LRP12: variants seen among roughly 807,000 people sequenced by gnomAD.
The protein encoded by LRP12 is LDL receptor related protein 12.
Under a neutral mutation model 66.0 loss-of-function variants are expected in LRP12, and 14 were observed. The observed-to-expected ratio is 0.21, with a 90% CI of 0.14 to 0.33. LRP12 has a LOEUF of 0.33. Among genes scored for constraint, LRP12 ranks in the 10% least tolerant of loss-of-function variants. The pLI, the probability that LRP12 is intolerant of heterozygous loss-of-function variation, is 1.00. For missense variants in LRP12, 889 were observed against 1,053.4 expected (o/e 0.84, Z 2.16); for synonymous variants, 357 against 359.1 (o/e 0.99, Z 0.07).
intron 1 of LRP12, among the ~76,000 whole-genome samples, chr8:104,536,492 G>A (rs1392837537): frequency 1.3e-5 from 2 of 151,968 alleles, no homozygotes; most frequent in African/African-American, 2.4e-5. Flanking sequence ...CAACCCCAGC[G>A]ACTAGTACAA....
At chr8:104,550,090 G>A (rs905935238) in intron 1 of LRP12, among the ~76,000 whole-genome samples, 1 of 152,100 alleles carries the variant, frequency 6.6e-6, no homozygotes. Context: ...TTGACTCCCA[G>A]TAGTCACTGA....
chr8:104,566,103 G>T (rs1365566473), intron 1 of LRP12: 1 of 277,580 alleles, frequency 3.6e-6, no homozygotes, highest in Admixed American at 5.1e-5. Flanking sequence ...GTGTGCTGAA[G>T]ACCACTGGCC....
intron 1 of LRP12, among the ~76,000 whole-genome samples, chr8:104,551,729 A>G (rs1443328691): frequency 2.0e-5 from 3 of 152,136 alleles, no homozygotes; most frequent in Non-Finnish European, 4.4e-5. Context: ...ATACATATGT[A>G]CCACATTTTA....
intron 1 of LRP12, among the ~76,000 whole-genome samples, chr8:104,543,010 T>A (rs990075637): frequency 6.7e-6 from 1 of 150,092 alleles, no homozygotes. Flanking sequence ...TATATATATA[T>A]ATAAATATAT....
intron 1 of LRP12, among the ~76,000 whole-genome samples, chr8:104,583,979 TTGAAA>T (rs1812293285): frequency 6.6e-6 from 1 of 152,076 alleles, no homozygotes; most frequent in South Asian, 2.1e-4. Context: ...TAATACAGTA[TTGAAA>T]TAATATATTT....
At chr8:104,559,827 C>T (rs982134217) in intron 1 of LRP12, among the ~76,000 whole-genome samples, 1 of 151,778 alleles carries the variant, frequency 6.6e-6, no homozygotes, top group Non-Finnish European at 1.5e-5. Context: ...ATATGTCTAG[C>T]TACACTATAC....
At chr8:104,504,645 T>C (rs1346684679) in intron 3 of LRP12, 2 of 152,220 alleles carry the variant, frequency 1.3e-5, no homozygotes, top group Non-Finnish European at 2.9e-5. Context: ...ACAATCTGAA[T>C]GATGTACAGT....
intron 2 of LRP12, among the ~76,000 whole-genome samples, chr8:104,511,029 ACTTTT>A (rs1810986719): frequency 2.1e-5 from 2 of 93,410 alleles, no homozygotes; most frequent in Non-Finnish European, 4.2e-5. Flanking sequence ...TGGAAAAATG[ACTTTT>A]TTTTTTTTTT....
Position 104,565,230 on chromosome 8 carries a change from C to A in LRP12, c.79+23589G>T, listed in dbSNP as rs544469082. Among the ~76,000 whole-genome samples the A allele has an allele frequency of 1.8e-3, 281 of 152,170 alleles. 1 individual carries two copies. The highest frequency in any genetic ancestry group is 4.4e-3 in the South Asian group (21 of 4,816). Reference sequence around the variant, plus strand: ...ATATCCACACAACTAGACATATACACACAATAAGTATTTTAGAATAATATC... The same window carrying A: ...ATATCCACACAACTAGACATATACAAACAATAAGTATTTTAGAATAATATC... On this transcript the variant is annotated intron_variant, in intron 1 of 6. Coordinates refer to ENST00000276654, the MANE Select transcript of LRP12 (RefSeq NM_013437.5).
intron 1 of LRP12, among the ~76,000 whole-genome samples, chr8:104,569,502 A>C (rs1812048581): frequency 1.3e-5 from 2 of 152,276 alleles, no homozygotes; most frequent in Admixed American, 1.3e-4. Context: ...ATATTTGAAA[A>C]AAGTCAATCA....
chr8:104,577,236 C>A (rs1409554950), intron 1 of LRP12, among the ~76,000 whole-genome samples: 1 of 152,104 alleles, frequency 6.6e-6, no homozygotes, highest in Non-Finnish European at 1.5e-5. Flanking sequence ...ACAGACCTGA[C>A]AGATATCTAC....
At chr8:104,517,128 T>C (rs1177015055) in intron 2 of LRP12, among the ~76,000 whole-genome samples, 3 of 150,962 alleles carry the variant, frequency 2.0e-5, no homozygotes, top group Non-Finnish European at 4.4e-5. Flanking sequence ...AATTATAGTT[T>C]TATAACAATG....
At chr8:104,521,009 A>C (rs1038461235) in intron 2 of LRP12, among the ~76,000 whole-genome samples, 6 of 152,008 alleles carry the variant, frequency 3.9e-5, no homozygotes, top group African/African-American at 1.4e-4. Flanking sequence ...GTCACAATAC[A>C]ACCTGTTCTG....
chr8:104,565,877 C>T (rs976008271), intron 1 of LRP12, among the ~76,000 whole-genome samples: 2 of 139,484 alleles, frequency 1.4e-5, no homozygotes, highest in Non-Finnish European at 3.0e-5. Context: ...AAAAAAAATA[C>T]ACACACACAC....
chr8:104,563,213 T>C (rs910070787), intron 1 of LRP12, among the ~76,000 whole-genome samples: 1 of 152,180 alleles, frequency 6.6e-6, no homozygotes, highest in Non-Finnish European at 1.5e-5. Context: ...CTGATGTATG[T>C]ATATGTATTT....
At position 104,499,574 on chromosome 8, in the gene LRP12, G is replaced by A. The variant is rs74481772; in HGVS notation, c.273-55C>T. The A allele has an allele frequency of 5.8e-5, 70 of 1,207,436 alleles. No individual in the cohort carries two copies. In the Middle Eastern group the frequency reaches 1.0e-3, roughly 17 times the overall value. The allele number at this position is 1,207,436 out of a possible 1,614,324, so 74.8% of individuals were successfully genotyped here. A position where few individuals can be genotyped will look rare whatever the true frequency, so the allele number is the denominator to read the frequency against. On this transcript the variant is annotated intron_variant, in intron 3 of 6. Transcript: ENST00000276654. ...AAAGTCAATTTTGGAAAAAAAAATC[G>A]TATTACAAAGTAACTGAGGATATTA...
chr8:104,497,811 G>C lies in LRP12; in HGVS notation c.741C>G (p.Asp247Glu). The change falls in exon 5 of 7, where the codon GAC becomes GAG. Residue 247 changes from aspartate to glutamate, a missense_variant. This residue lies in a region of LRP12 where 800 missense variants were observed against 964.5 expected (regional missense o/e 0.83). Coordinates refer to ENST00000276654, the MANE Select transcript of LRP12 (RefSeq NM_013437.5). This position sits in a 1 kb window ranked among gnomAD's most constrained non-coding sequence, Gnocchi z 4.3. ...LKCDGNIDCLDLGDEIDCDVP... is the reference protein window; with the variant it reads ...LKCDGNIDCLELGDEIDCDVP... ...CATCACAGTCTATCTCATCTCCTAGGTCAAGGCAGTCAATGTTCCCATCAC... is the reference window on the plus strand; with the variant it reads ...CATCACAGTCTATCTCATCTCCTAGCTCAAGGCAGTCAATGTTCCCATCAC... The C allele has an allele frequency of 6.2e-7, 1 of 1,614,148 alleles. No individual in the cohort carries two copies. The highest frequency in any genetic ancestry group is 8.5e-7 in the Non-Finnish European group (1 of 1,180,042).
At chr8:104,537,274 A>G (rs943692168) in intron 1 of LRP12, among the ~76,000 whole-genome samples, 5 of 152,058 alleles carry the variant, frequency 3.3e-5, no homozygotes, top group African/African-American at 1.2e-4. Flanking sequence ...GGCTCAGGCA[A>G]CAGAAACATT....
intron 6 of LRP12, among the ~76,000 whole-genome samples, chr8:104,493,247 G>A (rs531002081): frequency 3.3e-5 from 5 of 152,336 alleles, no homozygotes; most frequent in African/African-American, 1.2e-4. Context: ...CTTTGAGTGA[G>A]ATGGTGAATT....
Sources: gnomAD v4.1 joint callset for allele counts (sites outside exome capture counted in the v4.1 genomes callset) on GRCh38, gnomAD v4.1.1 for gene constraint, gnomAD v4.1.1 regional missense constraint, Gnocchi (gnomAD v3.1) non-coding constraint, MANE v1.5 for transcripts, NCBI Gene and HGNC (gene_info 2026-07-23, HGNC 2026-07-21) for gene names.